Variants in CTNNA2 observed in about 807,000 individuals in gnomAD.
The protein encoded by CTNNA2 is catenin alpha 2.
A neutral mutation model predicts 101.0 loss-of-function variants in CTNNA2; 42 were observed. That is an observed-to-expected ratio of 0.42 (90% CI 0.32 to 0.54). CTNNA2 has a LOEUF of 0.54. Ranked by LOEUF, CTNNA2 falls within the 20% of genes least tolerant of loss-of-function variation. The pLI is 0.14. For synonymous variants in CTNNA2, 450 were observed against 456.4 expected (o/e 0.99, Z 0.18); for missense variants, 871 against 1,223.1 (o/e 0.71, Z 4.29).
At chr2:79,944,521 A>G (rs1264867089) in intron 7 of CTNNA2, among the ~76,000 whole-genome samples, 1 of 152,226 alleles carries the variant, frequency 6.6e-6, no homozygotes, top group Non-Finnish European at 1.5e-5. Context: ...TCACTCCAGT[A>G]TAATGGGGAC....
At chr2:79,705,605 G>T (rs72925418) in intron 2 of CTNNA2, among the ~76,000 whole-genome samples, 8,134 of 152,186 alleles carry the variant, frequency 0.053, 758 homozygotes, top group African/African-American at 0.19. Flanking sequence ...GTGGAGAGAT[G>T]TGTTCAAATA....
chr2:80,498,625 A>T (rs1346718099), intron 9 of CTNNA2, among the ~76,000 whole-genome samples: 3 of 152,184 alleles, frequency 2.0e-5, no homozygotes, highest in Non-Finnish European at 4.4e-5. Context: ...TTGTTTTTCC[A>T]CCCAAGTGTA....
intron 1 of CTNNA2, among the ~76,000 whole-genome samples, chr2:79,641,920 A>G (rs1680474083): frequency 6.6e-6 from 1 of 152,248 alleles, no homozygotes; most frequent in African/African-American, 2.4e-5. Context: ...ATAAAAACCC[A>G]TTTCAGTGAG....
chr2:79,214,961 G>A (rs1365551513), intron 2 of CTNNA2, among the ~76,000 whole-genome samples: 2 of 151,942 alleles, frequency 1.3e-5, no homozygotes, highest in Non-Finnish European at 2.9e-5. Flanking sequence ...TGTGGAGTGG[G>A]TAGCCTCCGT....
intron 9 of CTNNA2, among the ~76,000 whole-genome samples, chr2:80,496,765 A>T (rs1687507611): frequency 6.6e-6 from 1 of 152,322 alleles, no homozygotes; most frequent in African/African-American, 2.4e-5. Flanking sequence ...ATATTTGCTC[A>T]AACAATTGAA....
intron 3 of CTNNA2, among the ~76,000 whole-genome samples, chr2:79,803,693 G>A (rs901569477): frequency 6.6e-6 from 1 of 152,242 alleles, no homozygotes; most frequent in Non-Finnish European, 1.5e-5. Flanking sequence ...TTTATGGCCA[G>A]TTTTGGGGCC....
chr2:80,358,150 G>A (rs954925673), intron 7 of CTNNA2, among the ~76,000 whole-genome samples: 7 of 152,026 alleles, frequency 4.6e-5, no homozygotes, highest in African/African-American at 1.4e-4. Context: ...TCACAGGAGC[G>A]ATGTGAAAAT....
chr2:79,628,288 C>A (rs62140100), intron 1 of CTNNA2, among the ~76,000 whole-genome samples: 7,020 of 152,036 alleles, frequency 0.046, 216 homozygotes, highest in Non-Finnish European at 0.063. Flanking sequence ...TCCATCTCTA[C>A]TAAAAATACG....
chr2:80,018,728 C>T lies in CTNNA2; in HGVS notation c.1056+108931C>T, dbSNP rs938094212. On this transcript the variant is annotated intron_variant, in intron 7 of 18. Transcript: ENST00000402739. ...CCCGGGAGACAGAGGTTGCAGTGAG[C>T]TAAGATCGTGCCACTGCACTCCAGC... Among the ~76,000 whole-genome samples, 3 of 148,330 alleles carry T rather than the reference C, an allele frequency of 2.0e-5. No homozygotes were observed. In the East Asian group the frequency reaches 6.0e-4, roughly 30 times the overall value.
At chr2:79,759,737 T>C (rs1042824968) in intron 3 of CTNNA2, among the ~76,000 whole-genome samples, 4 of 152,238 alleles carry the variant, frequency 2.6e-5, no homozygotes. Context: ...CTTTGTTTTC[T>C]TCTTTGTCAA....
At chr2:79,528,263 A>C (rs1272039827) in intron 1 of CTNNA2, among the ~76,000 whole-genome samples, 1 of 151,920 alleles carries the variant, frequency 6.6e-6, no homozygotes, top group Non-Finnish European at 1.5e-5. Flanking sequence ...GCCCAGGTTA[A>C]GTGCAGTGGT....
At chr2:79,797,697 A>G (rs1224021122) in intron 3 of CTNNA2, among the ~76,000 whole-genome samples, 1 of 151,732 alleles carries the variant, frequency 6.6e-6, no homozygotes, top group East Asian at 1.9e-4. Flanking sequence ...CTTAACAGAA[A>G]AATTGCCCCT....
At chr2:79,834,058 A>T (rs747152883) in intron 3 of CTNNA2, among the ~76,000 whole-genome samples, 3 of 152,158 alleles carry the variant, frequency 2.0e-5, no homozygotes, top group Non-Finnish European at 2.9e-5. Context: ...AATTGCACTA[A>T]ACAATTTCTG....
rs76817044 is a variant in CTNNA2 at position 79,825,928 on chromosome 2, T to C, written c.299-32085T>C. On this transcript the variant is annotated intron_variant, in intron 3 of 18. Transcript: ENST00000402739. ...AATATCAATGTATCATTATACAACATAGTAATGCTGTATCTTATATGATAT... is the reference window on the plus strand; with the variant it reads ...AATATCAATGTATCATTATACAACACAGTAATGCTGTATCTTATATGATAT... Among the ~76,000 whole-genome samples, 1,270 of 152,304 alleles carry C rather than the reference T, an allele frequency of 8.3e-3. 17 individuals are homozygous for C. Among genetic ancestry groups the C allele is most frequent in the African/African-American group, 0.028 (1,164 of 41,570 alleles).
At chr2:80,350,202 C>T (rs1345318030) in intron 7 of CTNNA2, among the ~76,000 whole-genome samples, 4 of 152,064 alleles carry the variant, frequency 2.6e-5, no homozygotes, top group Non-Finnish European at 5.9e-5. Flanking sequence ...GAATGCTGGG[C>T]TTTGACAGAA....
At chr2:80,243,675 C>T (rs1472465070) in intron 7 of CTNNA2, among the ~76,000 whole-genome samples, 2 of 152,158 alleles carry the variant, frequency 1.3e-5, no homozygotes, top group Non-Finnish European at 2.9e-5. Context: ...GGATAATGGA[C>T]ATTTGAGTTG....
At chr2:79,495,989 G>A (rs1303109369) in intron 4 of CTNNA2, among the ~76,000 whole-genome samples, 1 of 152,116 alleles carries the variant, frequency 6.6e-6, no homozygotes, top group Non-Finnish European at 1.5e-5. Flanking sequence ...GTTTGAGGGA[G>A]GAGGGAATAA....
intron 3 of CTNNA2, among the ~76,000 whole-genome samples, chr2:79,356,645 C>T (rs982267954): frequency 7.9e-5 from 12 of 152,268 alleles, no homozygotes; most frequent in East Asian, 5.8e-4. Context: ...TACAACCCAA[C>T]GTCTAGTTAG....
In CTNNA2 at chr2:79,817,316, CTTTTT is replaced by C. The variant is rs550422225; in HGVS notation, c.299-40675_299-40671del. Among the ~76,000 whole-genome samples the C allele has an allele frequency of 8.1e-5, 6 of 73,890 alleles. No homozygotes were observed. In the East Asian group the frequency reaches 1.5e-3, roughly 18 times the overall value. The allele number at this position is 73,890 out of a possible 152,430, so 48.5% of individuals were successfully genotyped here. On this transcript the variant is annotated intron_variant, in intron 3 of 18. Coordinates refer to ENST00000402739, the MANE Select transcript of CTNNA2 (RefSeq NM_001282597.3). ...TGCAGAATAATGTATTTCTCTCTCACTTTTTTTTTTTTTTTTTTTTTTTTTTGCCA... is the reference window on the plus strand; with the variant it reads ...TGCAGAATAATGTATTTCTCTCTCACTTTTTTTTTTTTTTTTTTTTTGCCA...
Sources: allele counts gnomAD v4.1 joint callset (sites outside exome capture counted in the v4.1 genomes callset), GRCh38; gene constraint gnomAD v4.1.1; transcripts MANE v1.5; gene names NCBI Gene and HGNC (gene_info 2026-07-23, HGNC 2026-07-21).